The following NETO2 variants were observed in gnomAD, a reference collection of about 807,000 sequenced individuals.
NETO2 encodes neuropilin and tolloid like 2, also known as neuropilin and tolloid-like protein 2.
Under a neutral mutation model 62.5 loss-of-function variants are expected in NETO2, and 28 were observed. The observed-to-expected ratio is 0.45, with a 90% CI of 0.33 to 0.61. The LOEUF is 0.61. Ranked by LOEUF, NETO2 falls within the 20% of genes least tolerant of loss-of-function variation. The pLI is 0.02. For synonymous variants in NETO2, 214 were observed against 219.1 expected (o/e 0.98, Z 0.21); for missense variants, 548 against 643.2 (o/e 0.85, Z 1.60).
At chr16:47,120,891 A>AT (rs922484238) in intron 6 of NETO2, among the ~76,000 whole-genome samples, 3 of 149,142 alleles carry the variant, frequency 2.0e-5, no homozygotes, top group Admixed American at 6.7e-5. Flanking sequence ...AGTTCTTGAA[A>AT]TTTTTTTTTT....
intron 7 of NETO2, among the ~76,000 whole-genome samples, chr16:47,107,137 C>A (rs1486156164): frequency 6.6e-6 from 1 of 152,080 alleles, no homozygotes; most frequent in Non-Finnish European, 1.5e-5. Context: ...CTGTCCTTCA[C>A]ATAAGAAAAA....
chr16:47,122,863 T>C lies in NETO2; in HGVS notation c.526+5A>G. On this transcript the variant is annotated splice_donor_5th_base_variant and intron_variant, in intron 5 of 8. Transcript: ENST00000562435. Reference sequence around the variant, plus strand: ...CCAAGAGGAACAAGTGGTAATATACTAAACCTGGAATGGGATTTAAAATAC... The same window carrying C: ...CCAAGAGGAACAAGTGGTAATATACCAAACCTGGAATGGGATTTAAAATAC... 6.2e-7 allele frequency: 1 copy of C among 1,613,964 alleles called. No individual in the cohort carries two copies. Among genetic ancestry groups the C allele is most frequent in the Non-Finnish European group, 8.5e-7 (1 of 1,179,912 alleles).
intron 7 of NETO2, among the ~76,000 whole-genome samples, chr16:47,089,805 G>A (rs1026507242): frequency 1.3e-5 from 2 of 152,206 alleles, no homozygotes; most frequent in South Asian, 2.1e-4. Flanking sequence ...TGGGGGCACC[G>A]AAAAATACTA....
chr16:47,082,934 C>T lies in NETO2; in HGVS notation c.*287G>A, dbSNP rs1327686396. The T allele has an allele frequency of 3.2e-6, 1 of 310,254 alleles. No individual in the cohort carries two copies. The highest frequency in any genetic ancestry group is 5.9e-6 in the Non-Finnish European group (1 of 170,006). 19.2% of individuals were successfully genotyped at this position (310,254 alleles called of 1,614,324 possible). On this transcript the variant is annotated 3_prime_UTR_variant, in exon 9 of 9. Transcript: ENST00000562435. Reference sequence around the variant, plus strand: ...ACGAAGAGGCAGCCTGAGCCTGGCTCCATCCAACCACCTCTTCTAATGCTC... The same window carrying T: ...ACGAAGAGGCAGCCTGAGCCTGGCTTCATCCAACCACCTCTTCTAATGCTC...
intron 6 of NETO2, among the ~76,000 whole-genome samples, chr16:47,116,972 C>G (rs961796132): frequency 5.9e-5 from 9 of 152,146 alleles, no homozygotes; most frequent in Admixed American, 3.9e-4. Flanking sequence ...CTCTTTCATT[C>G]CTGATACTGG....
chr16:47,123,491 A>G (rs971892570), intron 4 of NETO2, among the ~76,000 whole-genome samples: 4 of 152,110 alleles, frequency 2.6e-5, no homozygotes, highest in South Asian at 2.1e-4. Flanking sequence ...AGGTGACAAA[A>G]TGAGTCTTAA....
Position 47,082,965 on chromosome 16 carries a change from C to T in NETO2, c.*256G>A. 2.6e-6 allele frequency: 1 copy of T among 378,972 alleles called. No homozygotes were observed. The highest frequency in any genetic ancestry group is 4.7e-6 in the Non-Finnish European group (1 of 212,800). 23.5% of individuals were successfully genotyped at this position (378,972 alleles called of 1,614,324 possible). A position where few individuals can be genotyped will look rare whatever the true frequency, so the allele number is the denominator to read the frequency against. On this transcript the variant is annotated 3_prime_UTR_variant, in exon 9 of 9. Coordinates refer to ENST00000562435, the MANE Select transcript of NETO2 (RefSeq NM_018092.5). ...AACCACCTCTTCTAATGCTCTTTAA[C>T]TGGCAGTGCTTCCTATAAATGACAC...
intron 7 of NETO2, among the ~76,000 whole-genome samples, chr16:47,094,985 A>G (rs1963401164): frequency 6.6e-6 from 1 of 152,180 alleles, no homozygotes; most frequent in African/African-American, 2.4e-5. Context: ...CTGGAATTAC[A>G]TGTATGAGCC....
At chr16:47,135,987 T>C (rs1417010839) in intron 1 of NETO2, among the ~76,000 whole-genome samples, 3 of 152,150 alleles carry the variant, frequency 2.0e-5, no homozygotes, top group Non-Finnish European at 4.4e-5. Context: ...AGCAGTAACA[T>C]GTTTCTGAGC....
chr16:47,110,715 T>C (rs1256450039), intron 6 of NETO2, among the ~76,000 whole-genome samples: 1 of 152,190 alleles, frequency 6.6e-6, no homozygotes, highest in Non-Finnish European at 1.5e-5. Flanking sequence ...GAGTATTCAC[T>C]TCCTAGCTAT....
intron 7 of NETO2, among the ~76,000 whole-genome samples, chr16:47,088,985 T>G (rs1395556906): frequency 3.9e-5 from 6 of 152,194 alleles, no homozygotes; most frequent in African/African-American, 1.4e-4. Flanking sequence ...TAATCTCTCT[T>G]TAAGCAGAAT....
intron 1 of NETO2, among the ~76,000 whole-genome samples, chr16:47,137,641 T>C (rs1045269747): frequency 2.0e-5 from 3 of 152,210 alleles, no homozygotes; most frequent in Non-Finnish European, 4.4e-5. Flanking sequence ...TTTGCTTCCA[T>C]GAAAGTACAT....
chr16:47,110,687 C>A (rs1963777871), intron 6 of NETO2, among the ~76,000 whole-genome samples: 1 of 152,054 alleles, frequency 6.6e-6, no homozygotes, highest in Admixed American at 6.5e-5. Flanking sequence ...CTTTGAATTG[C>A]CATTCAAGAC....
At chr16:47,126,984 C>A (rs1294411566) in intron 4 of NETO2, among the ~76,000 whole-genome samples, 2 of 152,062 alleles carry the variant, frequency 1.3e-5, no homozygotes, top group Non-Finnish European at 2.9e-5. Context: ...TATATGTGTA[C>A]CATAATCCCA....
At position 47,129,389 on chromosome 16, in the gene NETO2, C is replaced by A. The variant is rs750053840; in HGVS notation, c.92-25G>T. On this transcript the variant is annotated intron_variant, in intron 2 of 8. Transcript: ENST00000562435. The stretch of plus-strand genomic sequence containing the variant: ...TCTTAGGGAAAAACGGCATTTAAAA[C>A]ACTCATTACAGCAAAAGAGAATCAT... The A allele has an allele frequency of 1.2e-5, 19 of 1,609,838 alleles. No individual in the cohort carries two copies. In the African/African-American group the frequency reaches 1.9e-4, roughly 16 times the overall value.
intron 6 of NETO2, among the ~76,000 whole-genome samples, chr16:47,118,738 TCTC>T (rs1313274788): frequency 1.3e-5 from 2 of 152,212 alleles, no homozygotes; most frequent in African/African-American, 4.8e-5. Context: ...TTTATTTGTC[TCTC>T]CTAACTTCTA....
rs549024376 is a variant in NETO2, at chr16:47,095,175, AT to A, written c.884-8837del. On this transcript the variant is annotated intron_variant, in intron 7 of 8. Coordinates refer to ENST00000562435, the MANE Select transcript of NETO2 (RefSeq NM_018092.5). ...AACTTAAGCAGTTCATAAAAACACA[AT>A]CTCCATAGTAACCATAAGAACATAT... Among the ~76,000 whole-genome samples the A allele has an allele frequency of 2.7e-4, 41 of 152,328 alleles. 1 individual carries two copies. The East Asian group carries it at 7.9e-3, about 29-fold the overall frequency.
chr16:47,127,763 G>A (rs1338282521), intron 4 of NETO2, among the ~76,000 whole-genome samples: 1 of 152,208 alleles, frequency 6.6e-6, no homozygotes, highest in Admixed American at 6.5e-5. Context: ...AACTAACACA[G>A]CAGGCATTCC....
chr16:47,139,118 G>A (rs964895658), intron 1 of NETO2, among the ~76,000 whole-genome samples: 1 of 152,156 alleles, frequency 6.6e-6, no homozygotes, highest in South Asian at 2.1e-4. Flanking sequence ...TTGTCTGTCT[G>A]ATTCACTGAT....
Sources: allele counts gnomAD v4.1 joint callset (sites outside exome capture counted in the v4.1 genomes callset), GRCh38; gene constraint gnomAD v4.1.1; transcripts MANE v1.5; gene names NCBI Gene and HGNC (gene_info 2026-07-23, HGNC 2026-07-21).